Variants in ELF1 observed in about 807,000 individuals in gnomAD.
ELF1 encodes ETS-related transcription factor Elf-1.
In ELF1, 24 loss-of-function variants were observed where a neutral mutation model predicts 59.9. The ratio of observed to expected loss-of-function variants is 0.40; its 90% confidence interval spans 0.29 to 0.56. ELF1 has a LOEUF of 0.56. Ranked by LOEUF, ELF1 falls within the 20% of genes least tolerant of loss-of-function variation. The pLI, the probability that ELF1 is intolerant of heterozygous loss-of-function variation, is 0.44. For synonymous variants in ELF1, 248 were observed against 266.2 expected (o/e 0.93, Z 0.67); for missense variants, 627 against 742.2 (o/e 0.84, Z 1.80).
At chr13:41,020,089 T>C (rs909281354), upstream of ELF1, among the ~76,000 whole-genome samples, 3 of 152,210 alleles carry the variant, frequency 2.0e-5, no homozygotes, top group African/African-American at 7.2e-5. Context: ...ATTTTCTACA[T>C]GTATTTCAAG....
chr13:40,955,345 G>A (rs1262083293), intron 3 of ELF1, among the ~76,000 whole-genome samples: 2 of 143,568 alleles, frequency 1.4e-5, no homozygotes, highest in African/African-American at 5.2e-5. Flanking sequence ...CCCCCCACCC[G>A]GCCAGCCGCC....
At chr13:40,988,494 C>T (rs1008889128) in intron 1 of ELF1, among the ~76,000 whole-genome samples, 16 of 152,196 alleles carry the variant, frequency 1.1e-4, no homozygotes, top group Non-Finnish European at 2.4e-4. Context: ...CCCAGTACAA[C>T]TGTCAATTAA....
At chr13:41,050,701 C>T (rs1479981167) in intron 1 of ELF1, among the ~76,000 whole-genome samples, 3 of 152,168 alleles carry the variant, frequency 2.0e-5, no homozygotes, top group Non-Finnish European at 2.9e-5. Flanking sequence ...CAGGCACCTG[C>T]CACCACGCCC....
chr13:41,005,826 T>A (rs1350827339), intron 1 of ELF1, among the ~76,000 whole-genome samples: 2 of 148,094 alleles, frequency 1.4e-5, no homozygotes, highest in Non-Finnish European at 3.1e-5. Context: ...TAATAATCAA[T>A]CCTTAAGAAT....
Position 41,041,566 on chromosome 13 carries a change from T to C in ELF1, c.-229+19272A>G, listed in dbSNP as rs185595799. On this transcript the variant is annotated intron_variant, in intron 1 of 1. Coordinates refer to the ELF1 transcript ENST00000405737. ...GACGCGCACCTGTAGTCCCACCTACTTCAGAGGTTAAGAAGAAAGGATCAC... is the reference window on the plus strand; with the variant it reads ...GACGCGCACCTGTAGTCCCACCTACCTCAGAGGTTAAGAAGAAAGGATCAC... 3.3e-5 allele frequency among the ~76,000 whole-genome samples: 5 copies of C among 152,214 alleles called. No individual in the cohort carries two copies. The East Asian group carries it at 7.7e-4, about 24-fold the overall frequency.
chr13:41,030,673 C>A, intron 1 of ELF1, among the ~76,000 whole-genome samples: 1 of 151,088 alleles, frequency 6.6e-6, no homozygotes, highest in Non-Finnish European at 1.5e-5. Context: ...ACTGCTTGAG[C>A]CCAGGAGATT....
At position 40,981,340 on chromosome 13, in the gene ELF1, G is replaced by A. The variant is rs184497853; in HGVS notation, c.72+643C>T. Among the ~76,000 whole-genome samples the A allele has an allele frequency of 1.1e-3, 165 of 152,168 alleles. 1 individual carries two copies. Among genetic ancestry groups the A allele is most frequent in the African/African-American group, 3.8e-3 (158 of 41,506 alleles). ...CTCGTTCCAGTTCTTTTGTGTGTGT[G>A]TGTGTTGTGGGGAGGGGGGAAGGAG... is the stretch of plus-strand genomic sequence containing the variant. On this transcript the variant is annotated intron_variant, in intron 2 of 8. Transcript: ENST00000239882.
chr13:40,996,641 T>C (rs1352673459), intron 1 of ELF1, among the ~76,000 whole-genome samples: 1 of 152,174 alleles, frequency 6.6e-6, no homozygotes. Flanking sequence ...CTGTAACAAG[T>C]GCACCGCTCT....
chr13:41,034,477 G>A (rs73176945), intron 1 of ELF1, among the ~76,000 whole-genome samples: 6,531 of 152,096 alleles, frequency 0.043, 215 homozygotes, highest in Non-Finnish European at 0.068. Context: ...TTCAAAATAA[G>A]TTTTAAAAAA....
At chr13:40,951,086 T>A (rs1468682648) in intron 4 of ELF1, among the ~76,000 whole-genome samples, 1 of 152,206 alleles carries the variant, frequency 6.6e-6, no homozygotes, top group Admixed American at 6.5e-5. Context: ...AAATTCTGCA[T>A]GATCTTCTAT....
At chr13:40,989,580 T>C (rs1160275710) in intron 1 of ELF1, among the ~76,000 whole-genome samples, 1 of 151,938 alleles carries the variant, frequency 6.6e-6, no homozygotes, top group African/African-American at 2.4e-5. Context: ...GAATTCTTTA[T>C]TAATTCAAAA....
intron 5 of ELF1, among the ~76,000 whole-genome samples, chr13:40,949,174 C>T (rs1358009787): frequency 6.6e-6 from 1 of 151,798 alleles, no homozygotes; most frequent in South Asian, 2.1e-4. Context: ...TTAGTAGAGA[C>T]GGGGTTTCAC....
chr13:40,964,988 T>C (rs1872088745), intron 2 of ELF1, among the ~76,000 whole-genome samples: 1 of 152,210 alleles, frequency 6.6e-6, no homozygotes, highest in Admixed American at 6.5e-5. Context: ...AACTTCAATA[T>C]ATGAATTGGT....
At position 40,943,891 on chromosome 13, in the gene ELF1, T is replaced by C. The variant is rs998540182; in HGVS notation, c.564A>G (p.Pro188=). 8.1e-6 allele frequency: 13 copies of C among 1,613,756 alleles called. No homozygotes were observed. The highest frequency in any genetic ancestry group is 9.3e-6 in the Non-Finnish European group (11 of 1,179,852). ...RKTKPPRPDS[P]ATTPNISVKK... ...TCACAGATATATTTGGCGTAGTGGC[T>C]GGGGAATCTGGTCGTGGTGGTTTAG... Residue 188 remains proline (P), a synonymous_variant, in exon 6 of 9, where the codon CCA becomes CCG. Transcript: ENST00000239882.
intron 5 of ELF1, 112 bp from the exon 6 acceptor site, chr13:40,944,037 A>G (rs991483358): frequency 1.1e-6 from 1 of 927,710 alleles, no homozygotes; most frequent in Admixed American, 2.3e-5. Context: ...GTTTTTATAC[A>G]TGGGTCACAT....
At chr13:41,051,506 G>T (rs1050947121) in intron 1 of ELF1, among the ~76,000 whole-genome samples, 12 of 151,902 alleles carry the variant, frequency 7.9e-5, no homozygotes, top group African/African-American at 2.9e-4. Context: ...TTACAACCTT[G>T]AAAAGTTGAA....
chr13:40,951,322 C>T lies in ELF1; in HGVS notation c.361+7G>A, dbSNP rs1033061147. 5.6e-6 allele frequency: 9 copies of T among 1,600,994 alleles called. No homozygotes were observed. Among genetic ancestry groups the T allele is most frequent in the Non-Finnish European group, 7.7e-6 (9 of 1,170,590 alleles). On this transcript the variant is annotated splice_region_variant and intron_variant, in intron 4 of 8. Transcript: ENST00000239882. The stretch of plus-strand genomic sequence containing the variant: ...GTACATAAACATAAACAATCATAAT[C>T]ACTCACTTATTCGTTTTTCATCCAG...
intron 1 of ELF1, among the ~76,000 whole-genome samples, chr13:41,010,296 CAGAAA>C (rs1001884167): frequency 7.6e-5 from 11 of 144,596 alleles, no homozygotes; most frequent in African/African-American, 2.8e-4. Flanking sequence ...AAAAAAAACA[CAGAAA>C]AGAAATTTGC....
intron 5 of ELF1, among the ~76,000 whole-genome samples, chr13:40,947,917 C>T (rs544158970): frequency 1.3e-5 from 2 of 152,092 alleles, no homozygotes; most frequent in Non-Finnish European, 2.9e-5. Flanking sequence ...AAAACATGGT[C>T]GAAGAATAAG....
Sources: gnomAD v4.1 joint callset for allele counts (sites outside exome capture counted in the v4.1 genomes callset) on GRCh38, gnomAD v4.1.1 for gene constraint, MANE v1.5 for transcripts, NCBI Gene and HGNC (gene_info 2026-07-23, HGNC 2026-07-21) for gene names.